MARCHF1: variants seen among roughly 807,000 people sequenced by gnomAD.
MARCHF1 encodes membrane associated ring-CH-type finger 1, also known as E3 ubiquitin-protein ligase MARCHF1.
A neutral mutation model predicts 54.2 loss-of-function variants in MARCHF1; 40 were observed. The ratio of observed to expected loss-of-function variants is 0.74; its 90% CI spans 0.57 to 0.96. The LOEUF (loss-of-function observed/expected upper bound fraction) is 0.96. Ranked by LOEUF, MARCHF1 falls within the 40% of genes least tolerant of loss-of-function variation. The pLI, the probability that MARCHF1 is intolerant of heterozygous loss-of-function variation, is 0.00. For missense variants in MARCHF1, 586 were observed against 656.5 expected, an observed-to-expected ratio of 0.89 and a Z score of 1.17; for synonymous variants, 236 against 236.3, an observed-to-expected ratio of 1.00 and a Z score of 0.01.
In MARCHF1 at chr4:163,527,900, A is replaced by T. The variant is rs1391406861; in HGVS notation, c.*848T>A. 1 of 152,162 alleles carries T rather than the reference A, an allele frequency of 6.6e-6. No individual in the cohort carries two copies. The highest frequency in any genetic ancestry group is 1.5e-5 in the Non-Finnish European group (1 of 67,968). 9.4% of individuals were successfully genotyped at this position (152,162 alleles called of 1,614,324 possible). On this transcript the variant is annotated 3_prime_UTR_variant, in exon 10 of 10. Transcript: ENST00000514618. ...TTAAAAAATCAAAATTCATTTTAAC[A>T]AACAAACATTTATTTTTACTTTTTA...
intron 3 of MARCHF1, among the ~76,000 whole-genome samples, chr4:163,946,316 C>G (rs1371879868): frequency 2.0e-5 from 3 of 152,128 alleles, no homozygotes; most frequent in Admixed American, 2.0e-4. Context: ...CAAGCCCAAA[C>G]TTTTCCACTT....
At chr4:164,071,796 T>C (rs1754872157) in intron 2 of MARCHF1, among the ~76,000 whole-genome samples, 1 of 152,196 alleles carries the variant, frequency 6.6e-6, no homozygotes, top group Admixed American at 6.5e-5. Flanking sequence ...CCTGTAAGTA[T>C]ACACTTACCA....
intron 4 of MARCHF1, among the ~76,000 whole-genome samples, chr4:163,735,643 C>T (rs1184987260): frequency 6.6e-6 from 1 of 152,100 alleles, no homozygotes; most frequent in Non-Finnish European, 1.5e-5. Flanking sequence ...GGGAGAAGCC[C>T]TTATGGCCTA....
intron 1 of MARCHF1, among the ~76,000 whole-genome samples, chr4:164,321,790 T>C (rs1406985661): frequency 1.3e-5 from 2 of 152,050 alleles, no homozygotes; most frequent in Non-Finnish European, 2.9e-5. Context: ...GGAAAATAAA[T>C]AATGGCAATC....
At chr4:163,559,279 A>G (rs1739392867) in intron 8 of MARCHF1, among the ~76,000 whole-genome samples, 1 of 152,156 alleles carries the variant, frequency 6.6e-6, no homozygotes, top group Non-Finnish European at 1.5e-5. Flanking sequence ...TATACACACA[A>G]ATGTATTGGA....
At chr4:163,734,594 A>G (rs1206357659) in intron 4 of MARCHF1, among the ~76,000 whole-genome samples, 1 of 151,618 alleles carries the variant, frequency 6.6e-6, no homozygotes, top group Non-Finnish European at 1.5e-5. Flanking sequence ...TCCAATTCTA[A>G]GGTAGGATGG....
intron 4 of MARCHF1, among the ~76,000 whole-genome samples, chr4:163,834,226 G>A (rs1160904748): frequency 6.6e-6 from 1 of 151,426 alleles, no homozygotes; most frequent in African/African-American, 2.4e-5. Context: ...GTACTTTGAA[G>A]TTGTAACTTT....
rs532586601 is a variant in MARCHF1, at chr4:163,728,123, C to T, written c.112-27260G>A. Among the ~76,000 whole-genome samples the T allele has an allele frequency of 2.1e-4, 32 of 152,112 alleles. 1 individual carries two copies. Among genetic ancestry groups the T allele is most frequent in the East Asian group, 1.2e-3 (6 of 5,154 alleles). ...ACCACACTGTAGCTGGGACTACAGGCGCATGCCACCACACGCAGTTAAGTT... is the reference window on the plus strand; with the variant it reads ...ACCACACTGTAGCTGGGACTACAGGTGCATGCCACCACACGCAGTTAAGTT... On this transcript the variant is annotated intron_variant, in intron 4 of 9. Transcript: ENST00000514618.
At chr4:163,867,599 C>G (rs1750081103) in intron 3 of MARCHF1, among the ~76,000 whole-genome samples, 1 of 151,744 alleles carries the variant, frequency 6.6e-6, no homozygotes, top group African/African-American at 2.4e-5. Flanking sequence ...TGAAAAATGA[C>G]TCAGATACTG....
intron 2 of MARCHF1, among the ~76,000 whole-genome samples, chr4:164,018,840 G>A (rs1306998894): frequency 6.6e-6 from 1 of 152,114 alleles, no homozygotes; most frequent in Non-Finnish European, 1.5e-5. Context: ...CATATGAAGG[G>A]CAAAGTGCTA....
chr4:163,566,234 T>C (rs575508372), intron 8 of MARCHF1, among the ~76,000 whole-genome samples: 1 of 152,248 alleles, frequency 6.6e-6, no homozygotes, highest in African/African-American at 2.4e-5. Flanking sequence ...CACTGTCGCA[T>C]GCTGCGACCC....
chr4:164,067,688 A>G (rs1428094382), intron 2 of MARCHF1, among the ~76,000 whole-genome samples: 1 of 152,188 alleles, frequency 6.6e-6, no homozygotes, highest in East Asian at 1.9e-4. Context: ...TTTTTGGCCA[A>G]CTCCCCAAAA....
intron 3 of MARCHF1, among the ~76,000 whole-genome samples, chr4:163,947,031 T>C (rs1002071420): frequency 2.0e-5 from 3 of 152,190 alleles, no homozygotes; most frequent in African/African-American, 7.2e-5. Flanking sequence ...GGAATATGAA[T>C]GAACATAGCA....
intron 1 of MARCHF1, among the ~76,000 whole-genome samples, chr4:164,300,092 T>G (rs980324072): frequency 3.9e-5 from 6 of 152,226 alleles, no homozygotes; most frequent in African/African-American, 1.4e-4. Flanking sequence ...CTAAACCTTT[T>G]CTAGAACCAG....
chr4:163,640,248 C>T (rs951154697), intron 5 of MARCHF1, among the ~76,000 whole-genome samples: 1 of 152,068 alleles, frequency 6.6e-6, no homozygotes, highest in East Asian at 1.9e-4. Context: ...TCAGATAATA[C>T]TCTATAAATA....
intron 5 of MARCHF1, among the ~76,000 whole-genome samples, chr4:163,656,649 A>T (rs1743155319): frequency 6.6e-6 from 1 of 152,102 alleles, no homozygotes; most frequent in Admixed American, 6.6e-5. Context: ...TCGATGCAGA[A>T]ATTCTCAGTA....
Position 164,209,663 on chromosome 4 carries a change from A to G in MARCHF1, c.-322-98001T>C, listed in dbSNP as rs1023877698. Reference sequence around the variant, plus strand: ...TTAATATTATGCTTTTATATATTAAATAATGTTGTCCTCATTGTATAAAAT... The same window carrying G: ...TTAATATTATGCTTTTATATATTAAGTAATGTTGTCCTCATTGTATAAAAT... On this transcript the variant is annotated intron_variant, in intron 1 of 9. Transcript: ENST00000514618. 3.9e-5 allele frequency among the ~76,000 whole-genome samples: 6 copies of G among 152,236 alleles called. No homozygotes were observed. The East Asian group carries it at 9.6e-4, about 24-fold the overall frequency.
intron 1 of MARCHF1, among the ~76,000 whole-genome samples, chr4:164,176,035 G>A (rs144359418): frequency 6.6e-6 from 1 of 152,040 alleles, no homozygotes. Context: ...GGAATATGGG[G>A]ATAAAAATGA....
At chr4:164,099,476 A>G (rs1163548780) in intron 2 of MARCHF1, among the ~76,000 whole-genome samples, 1 of 152,170 alleles carries the variant, frequency 6.6e-6, no homozygotes, top group African/African-American at 2.4e-5. Context: ...TCAGTTTGAG[A>G]TAAGCTCTAT....
Sources: gnomAD v4.1 joint callset for allele counts (sites outside exome capture counted in the v4.1 genomes callset) on GRCh38, gnomAD v4.1.1 for gene constraint, MANE v1.5 for transcripts, NCBI Gene and HGNC (gene_info 2026-07-23, HGNC 2026-07-21) for gene names.